ARL15: variants seen among roughly 807,000 people sequenced by gnomAD.
The protein encoded by ARL15 is ARF like GTPase 15, also known as ADP-ribosylation factor-like protein 15.
In ARL15, 19 loss-of-function variants were observed where a neutral mutation model predicts 25.2. The observed-to-expected ratio is 0.75, with a 90% confidence interval of 0.53 to 1.10. ARL15 has a LOEUF of 1.10. Among genes scored for constraint, ARL15 ranks in the 50% least tolerant of loss-of-function variants. The pLI is 0.00. For missense variants in ARL15, 220 were observed against 246.0 expected (o/e 0.89, Z 0.71); for synonymous variants, 94 against 86.8 (o/e 1.08, Z -0.46).
intron 4 of ARL15, among the ~76,000 whole-genome samples, chr5:53,998,021 G>A (rs866476714): frequency 7.2e-5 from 11 of 151,950 alleles, no homozygotes; most frequent in African/African-American, 2.7e-4. Flanking sequence ...TGATGGATGT[G>A]CTGGGAGAGG....
rs1755945352 is a variant in ARL15 at position 54,208,677 on chromosome 5, C to T, written c.49-36749G>A. On this transcript the variant is annotated intron_variant, in intron 1 of 4. Coordinates refer to ENST00000504924, the MANE Select transcript of ARL15 (RefSeq NM_019087.3). ...ACCAACTAAACCATCAGTCATGAGT[C>T]CAATAAGCAAAATCTCAAAAAAACC... Among the ~76,000 whole-genome samples the T allele has an allele frequency of 2.0e-5, 3 of 152,218 alleles. No homozygotes were observed. The South Asian group carries it at 6.2e-4, about 32-fold the overall frequency.
At chr5:54,125,494 G>A (rs1753220056) in intron 3 of ARL15, among the ~76,000 whole-genome samples, 1 of 152,140 alleles carries the variant, frequency 6.6e-6, no homozygotes, top group Admixed American at 6.5e-5. Context: ...ACAAAAACAG[G>A]AATTAGAAAG....
At chr5:53,891,736 G>A (rs1203621627) in intron 4 of ARL15, among the ~76,000 whole-genome samples, 2 of 152,152 alleles carry the variant, frequency 1.3e-5, no homozygotes, top group African/African-American at 2.4e-5. Flanking sequence ...TTAAGCCTGC[G>A]AGGTGGTTGT....
chr5:53,922,152 T>G (rs958516632), intron 4 of ARL15, among the ~76,000 whole-genome samples: 14 of 152,318 alleles, frequency 9.2e-5, no homozygotes, highest in Middle Eastern at 6.8e-3. Flanking sequence ...GAAAAGACTG[T>G]CTTCTGGTAT....
chr5:53,908,712 G>A (rs1001271628), intron 4 of ARL15, among the ~76,000 whole-genome samples: 1 of 152,120 alleles, frequency 6.6e-6, no homozygotes, highest in Non-Finnish European at 1.5e-5. Context: ...TGCAACTTTA[G>A]GGTCATGCTG....
At chr5:54,131,974 A>G (rs1338125458) in intron 3 of ARL15, among the ~76,000 whole-genome samples, 1 of 152,160 alleles carries the variant, frequency 6.6e-6, no homozygotes, top group Non-Finnish European at 1.5e-5. Flanking sequence ...TGGCAGGGGG[A>G]AAAAGTATGA....
At chr5:54,120,217 T>C (rs1226117774) in intron 3 of ARL15, among the ~76,000 whole-genome samples, 1 of 152,244 alleles carries the variant, frequency 6.6e-6, no homozygotes, top group Admixed American at 6.5e-5. Flanking sequence ...TTGAGTAAAG[T>C]TATTAGCAAC....
At chr5:53,958,821 T>G in intron 4 of ARL15, among the ~76,000 whole-genome samples, 1 of 152,294 alleles carries the variant, frequency 6.6e-6, no homozygotes, top group Middle Eastern at 3.4e-3. Context: ...AAAAAAGATA[T>G]TATGTATTGA....
chr5:54,027,611 G>T (rs531298587), intron 4 of ARL15, among the ~76,000 whole-genome samples: 80 of 152,080 alleles, frequency 5.3e-4, no homozygotes, highest in Admixed American at 5.2e-4. Flanking sequence ...CCATCATCTG[G>T]TTGAACATTT....
chr5:54,232,009 T>C (rs1478583566), intron 1 of ARL15, among the ~76,000 whole-genome samples: 1 of 152,190 alleles, frequency 6.6e-6, no homozygotes, highest in Non-Finnish European at 1.5e-5. Context: ...GCGGCCACAC[T>C]GACTGCTCAT....
intron 4 of ARL15, among the ~76,000 whole-genome samples, chr5:54,041,957 C>T (rs994005570): frequency 6.6e-6 from 1 of 150,752 alleles, no homozygotes; most frequent in Non-Finnish European, 1.5e-5. Flanking sequence ...TTTTTTTGTT[C>T]GCTTGTTTTC....
chr5:53,938,166 C>G (rs912417095), intron 4 of ARL15, among the ~76,000 whole-genome samples: 1 of 151,830 alleles, frequency 6.6e-6, no homozygotes, highest in Non-Finnish European at 1.5e-5. Flanking sequence ...TTTGCTTTTA[C>G]TTGTATGGCT....
intron 4 of ARL15, among the ~76,000 whole-genome samples, chr5:54,086,696 G>A (rs923355137): frequency 7.2e-5 from 11 of 151,976 alleles, no homozygotes; most frequent in African/African-American, 2.2e-4. Context: ...AATACACACT[G>A]GTCCGCTATA....
intron 4 of ARL15, among the ~76,000 whole-genome samples, chr5:54,018,409 A>C (rs951043336): frequency 6.6e-6 from 1 of 152,208 alleles, no homozygotes; most frequent in Non-Finnish European, 1.5e-5. Context: ...AAATTCTTAT[A>C]AGGAACATAC....
At chr5:54,162,024 C>CACAGAG (rs148833900) in intron 2 of ARL15, among the ~76,000 whole-genome samples, 16 of 145,428 alleles carry the variant, frequency 1.1e-4, no homozygotes, top group African/African-American at 3.2e-4. Context: ...CACACACACA[C>CACAGAG]AGAGAGAGAT....
intron 4 of ARL15, among the ~76,000 whole-genome samples, chr5:54,004,821 A>G (rs1472687791): frequency 6.6e-6 from 1 of 152,000 alleles, no homozygotes; most frequent in East Asian, 1.9e-4. Context: ...GAGGGGTTAT[A>G]GCTGAAGTTT....
At chr5:54,247,462 C>T (rs1390962356) in intron 1 of ARL15, among the ~76,000 whole-genome samples, 6 of 151,688 alleles carry the variant, frequency 4.0e-5, no homozygotes, top group Admixed American at 2.0e-4. Flanking sequence ...ACCCTATGAA[C>T]GCATACTCTG....
intron 4 of ARL15, among the ~76,000 whole-genome samples, chr5:54,038,536 A>C (rs1311550726): frequency 6.6e-6 from 1 of 152,154 alleles, no homozygotes; most frequent in African/African-American, 2.4e-5. Context: ...TAAGTCATTG[A>C]AAACAATGAA....
chr5:54,139,521 C>A (rs1753710831), intron 3 of ARL15, among the ~76,000 whole-genome samples: 1 of 151,966 alleles, frequency 6.6e-6, no homozygotes. Context: ...GAAGTGGGAG[C>A]CTGGGAGGTG....
Sources: gnomAD v4.1 joint callset for allele counts (sites outside exome capture counted in the v4.1 genomes callset) on GRCh38, gnomAD v4.1.1 for gene constraint, MANE v1.5 for transcripts, NCBI Gene and HGNC (gene_info 2026-07-23, HGNC 2026-07-21) for gene names.